The following MEI1 variants were observed in gnomAD, a reference collection of about 807,000 sequenced individuals.
MEI1 encodes meiosis inhibitor protein 1.
Under a neutral mutation model 146.2 loss-of-function variants are expected in MEI1, and 103 were observed. The ratio of observed to expected loss-of-function variants is 0.70; its 90% CI spans 0.60 to 0.83. MEI1 has a LOEUF of 0.83. Among genes scored for constraint, MEI1 ranks in the 40% least tolerant of loss-of-function variants. The pLI is 0.00. For synonymous variants in MEI1, 652 were observed against 628.2 expected, an observed-to-expected ratio of 1.04 and a Z score of -0.57; for missense variants, 1,529 against 1,533.0, an observed-to-expected ratio of 1.00 and a Z score of 0.04.
Position 41,709,431 on chromosome 22 carries a change from G to C in MEI1, c.349+3877G>C, listed in dbSNP as rs546090519. On this transcript the variant is annotated intron_variant, in intron 3 of 30. Transcript: ENST00000401548. ...ACCTTGTGGATCTTCTCTGTGGTTC[G>C]TCCTTCACCTTGGCTTTATCTCCTT... The C allele has an allele frequency of 8.7e-6, 6 of 690,254 alleles. No individual in the cohort carries two copies. In the African/African-American group the frequency reaches 1.1e-4, roughly 12 times the overall value. The allele number at this position is 690,254 out of a possible 1,614,324, so 42.8% of individuals were successfully genotyped here. A position where few individuals can be genotyped will look rare whatever the true frequency, so the allele number is the denominator to read the frequency against.
chr22:41,785,920 T>A (rs147804334), intron 26 of MEI1, among the ~76,000 whole-genome samples: 15,031 of 139,390 alleles, frequency 0.11, 1,428 homozygotes, highest in South Asian at 0.21. Flanking sequence ...ATTTTATTTT[T>A]TTTTTTTTGA....
intron 17 of MEI1, among the ~76,000 whole-genome samples, chr22:41,755,031 G>A (rs543946784): frequency 6.6e-6 from 1 of 152,270 alleles, no homozygotes; most frequent in African/African-American, 2.4e-5. Context: ...TAGGCAGGAG[G>A]AACAGCAGCT....
At chr22:41,778,534 C>T (rs936195213) in intron 21 of MEI1, among the ~76,000 whole-genome samples, 174 bp from the exon 22 acceptor site, 1 of 152,186 alleles carries the variant, frequency 6.6e-6, no homozygotes, top group African/African-American at 2.4e-5. Flanking sequence ...ATATCAGTTA[C>T]GCCTGTTCTA....
rs754617434 is a variant in MEI1, at chr22:41,776,279, G to T, written c.2710+12G>T. ...ATCCCCATCAGGAGGTCAGTCTGCAGGTGCTGTGGGCACACTTTGACCTGA... is the reference window on the plus strand; with the variant it reads ...ATCCCCATCAGGAGGTCAGTCTGCATGTGCTGTGGGCACACTTTGACCTGA... On this transcript the variant is annotated intron_variant, in intron 21 of 30. Coordinates refer to ENST00000401548, the MANE Select transcript of MEI1 (RefSeq NM_152513.4). 13 of 1,612,682 alleles carry T rather than the reference G, an allele frequency of 8.1e-6. No homozygotes were observed. The highest frequency in any genetic ancestry group is 1.1e-5 in the Non-Finnish European group (13 of 1,179,660).
At chr22:41,770,626 T>C (rs1251324167) in intron 19 of MEI1, 60 bp from the exon 20 acceptor site, 11 of 1,499,132 alleles carry the variant, frequency 7.3e-6, no homozygotes, top group Non-Finnish European at 9.9e-6. Context: ...CTTGGCCATG[T>C]TGGGGTCTCT....
intron 1 of MEI1, among the ~76,000 whole-genome samples, chr22:41,703,097 A>G (rs2068835647): frequency 6.6e-6 from 1 of 152,210 alleles, no homozygotes; most frequent in Non-Finnish European, 1.5e-5. Flanking sequence ...ATAAATTGCT[A>G]TGTAAATATA....
chr22:41,799,371 A>C lies in MEI1; in HGVS notation c.*72A>C, dbSNP rs370426055. On this transcript the variant is annotated 3_prime_UTR_variant, in exon 31 of 31. Coordinates refer to ENST00000401548, the MANE Select transcript of MEI1 (RefSeq NM_152513.4). Reference sequence around the variant, plus strand: ...AGACAAAGGGCATAATTGTTGGGGAAATGGATGACAGCTGAAGCTATTCAT... The same window carrying C: ...AGACAAAGGGCATAATTGTTGGGGACATGGATGACAGCTGAAGCTATTCAT... 3.5e-6 allele frequency: 5 copies of C among 1,429,706 alleles called. No homozygotes were observed. In the African/African-American group the frequency reaches 7.1e-5, roughly 20 times the overall value. The allele number at this position is 1,429,706 out of a possible 1,614,324, so 88.6% of individuals were successfully genotyped here.
At chr22:41,763,995 G>A (rs1290838601) in intron 19 of MEI1, among the ~76,000 whole-genome samples, 2 of 144,080 alleles carry the variant, frequency 1.4e-5, no homozygotes, top group Non-Finnish European at 3.0e-5. Flanking sequence ...CACCCAGGCT[G>A]GAGTGCAGTG....
chr22:41,761,614 G>A (rs987599217), intron 18 of MEI1, among the ~76,000 whole-genome samples: 4 of 151,530 alleles, frequency 2.6e-5, no homozygotes, highest in East Asian at 2.0e-4. Flanking sequence ...GCGCCCGGCC[G>A]ACTCAGTCTT....
At chr22:41,794,987 T>TA (rs1174585169) in intron 28 of MEI1, among the ~76,000 whole-genome samples, 1 of 152,008 alleles carries the variant, frequency 6.6e-6, no homozygotes, top group Non-Finnish European at 1.5e-5. Context: ...GAGGAAAGAG[T>TA]AATTGCTTCT....
At chr22:41,739,649 T>C (rs554996113) in intron 11 of MEI1, among the ~76,000 whole-genome samples, 2 of 152,050 alleles carry the variant, frequency 1.3e-5, no homozygotes, top group South Asian at 4.1e-4. Context: ...ATCTAGGACA[T>C]GAATTCTAGA....
intron 26 of MEI1, among the ~76,000 whole-genome samples, chr22:41,785,241 T>TTTTATTTA (rs138457901): frequency 6.7e-6 from 1 of 148,998 alleles, no homozygotes; most frequent in African/African-American, 2.5e-5. Context: ...GGCATTTTTA[T>TTTTATTTA]TTTATTTATT....
Position 41,785,892 on chromosome 22 carries a change from TTTA to T in MEI1, c.3345+1112_3345+1114del, listed in dbSNP as rs1170200830. Among the ~76,000 whole-genome samples the T allele has an allele frequency of 6.3e-4, 88 of 139,638 alleles. 1 individual carries two copies. Among genetic ancestry groups the T allele is most frequent in the Non-Finnish European group, 1.1e-3 (71 of 64,154 alleles). The allele number at this position is 139,638 out of a possible 152,430, so 91.6% of individuals were successfully genotyped here. A position where few individuals can be genotyped will look rare whatever the true frequency, so the allele number is the denominator to read the frequency against. ...TTTTATTTTTTTATTTTTTTATTTT[TTTA>T]TTTTTTTATTTTTTATTTTATTTTT... is the stretch of plus-strand genomic sequence containing the variant. On this transcript the variant is annotated intron_variant, in intron 26 of 30. Transcript: ENST00000401548.
intron 11 of MEI1, among the ~76,000 whole-genome samples, chr22:41,741,756 T>C (rs902021437): frequency 1.3e-5 from 2 of 151,974 alleles, no homozygotes; most frequent in African/African-American, 4.8e-5. Flanking sequence ...CGGCAGATCA[T>C]GAGGTCAAGA....
At chr22:41,703,632 A>G (rs1231022519) in intron 2 of MEI1, among the ~76,000 whole-genome samples, 178 bp downstream of exon 2, 4 of 152,196 alleles carry the variant, frequency 2.6e-5, no homozygotes, top group Non-Finnish European at 5.9e-5. Flanking sequence ...TCCAAGATGC[A>G]TTTTACAGTA....
chr22:41,757,255 T>C (rs959038672), intron 17 of MEI1, among the ~76,000 whole-genome samples: 47 of 149,618 alleles, frequency 3.1e-4, no homozygotes, highest in African/African-American at 1.1e-3. Context: ...CCACCTCGCC[T>C]GGCTATTTTT....
chr22:41,787,205 A>G (rs946457403), intron 26 of MEI1, among the ~76,000 whole-genome samples: 3 of 152,230 alleles, frequency 2.0e-5, no homozygotes, highest in Non-Finnish European at 4.4e-5. Context: ...AGAATGCAGG[A>G]ATCAGATGAG....
At chr22:41,718,016 T>C (rs1177846954) in intron 5 of MEI1, 55 bp from the exon 6 acceptor site, 18 of 1,358,078 alleles carry the variant, frequency 1.3e-5, no homozygotes, top group Non-Finnish European at 1.9e-5. Flanking sequence ...TGGAGTTTCA[T>C]ATAGCAGTTG....
At chr22:41,730,418 T>C (rs2071753336) in intron 8 of MEI1, 103 bp from the exon 9 acceptor site, 3 of 727,910 alleles carry the variant, frequency 4.1e-6, no homozygotes, top group African/African-American at 1.7e-5. Context: ...ACAGATGAAG[T>C]AGCAAGAGTA....
Sources: allele counts gnomAD v4.1 joint callset (sites outside exome capture counted in the v4.1 genomes callset), GRCh38; gene constraint gnomAD v4.1.1; transcripts MANE v1.5; gene names NCBI Gene and HGNC (gene_info 2026-07-23, HGNC 2026-07-21).